Variants in MMP15 observed in about 807,000 individuals in gnomAD.
The protein encoded by MMP15 is matrix metallopeptidase 15, also known as matrix metalloproteinase-15.
MMP15 carries 36 observed loss-of-function variants against 65.0 expected under a neutral mutation model. The observed-to-expected ratio is 0.55, with a 90% CI of 0.42 to 0.73. MMP15 has a LOEUF of 0.73. Ranked by LOEUF, MMP15 falls within the 30% of genes least tolerant of loss-of-function variation. The probability of loss-of-function intolerance (pLI) is 0.00; values close to 1 mark genes in which losing one functional copy is unlikely to be tolerated. For missense variants in MMP15, 870 were observed against 987.8 expected, an observed-to-expected ratio of 0.88 and a Z score of 1.60; for synonymous variants, 428 against 410.2, an observed-to-expected ratio of 1.04 and a Z score of -0.52.
rs1035388680 is a variant in MMP15, at chr16:58,026,398, C to T, written c.48C>T (p.Ser16=). ...SAPGRPGWTG[S]LLGDREEAAR... ...CCGGACGGCCGGGCTGGACGGGCAG[C>T]CTCCTCGGCGACCGGGAGGAGGCGG... The change falls in exon 1 of 10, where the codon AGC becomes AGT. Residue 16 remains serine (S), a synonymous_variant. Coordinates refer to ENST00000219271, the MANE Select transcript of MMP15 (RefSeq NM_002428.4). The T allele has an allele frequency of 4.2e-6, 6 of 1,415,970 alleles. No individual in the cohort carries two copies. Among genetic ancestry groups the T allele is most frequent in the Non-Finnish European group, 5.5e-6 (6 of 1,091,312 alleles). 87.7% of individuals were successfully genotyped at this position (1,415,970 alleles called of 1,614,324 possible). A position where few individuals can be genotyped will look rare whatever the true frequency, so the allele number is the denominator to read the frequency against.
chr16:58,038,160 AG>A (rs1423259266), intron 2 of MMP15, 105 bp from the exon 3 acceptor site: 5 of 1,461,700 alleles, frequency 3.4e-6, no homozygotes, highest in Non-Finnish European at 4.7e-6. Context: ...ACTGTGTCAT[AG>A]GAGGGGCGGC....
intron 7 of MMP15, 142 bp from the exon 8 acceptor site, chr16:58,043,068 G>C (rs1292396258): frequency 1.3e-6 from 1 of 777,412 alleles, no homozygotes; most frequent in Non-Finnish European, 2.0e-6. Context: ...AGCATGTGAT[G>C]TGCGGGTGAC....
At chr16:58,028,510 G>A (rs182900625) in intron 1 of MMP15, among the ~76,000 whole-genome samples, 1 of 152,204 alleles carries the variant, frequency 6.6e-6, no homozygotes, top group African/African-American at 2.4e-5. Context: ...TGGGCCCAAA[G>A]AGTCAAATGG....
intron 6 of MMP15, 127 bp downstream of exon 6, chr16:58,041,997 A>G (rs1649091518): frequency 8.0e-7 from 1 of 1,251,386 alleles, no homozygotes. Flanking sequence ...GGAGGAATCC[A>G]GCCCAAGAGG....
In MMP15 at chr16:58,043,259, A is replaced by G. The variant is rs1367060877; in HGVS notation, c.1353A>G (p.Pro451=). 1.9e-6 allele frequency: 3 copies of G among 1,601,866 alleles called. No homozygotes were observed. The highest frequency in any genetic ancestry group is 2.6e-6 in the Non-Finnish European group (3 of 1,173,802). Residue 451 remains proline, a synonymous_variant, in exon 8 of 10, where the codon CCA becomes CCG. Transcript: ENST00000219271. The part of the protein sequence containing the change: ...FREANLEPGY[P]QPLTSYGLGI... Reference sequence around the variant, plus strand: ...AAGCGAACCTGGAGCCCGGCTACCCACAGCCGCTGACCAGCTATGGCCTGG... The same window carrying G: ...AAGCGAACCTGGAGCCCGGCTACCCGCAGCCGCTGACCAGCTATGGCCTGG...
At chr16:58,031,110 A>G (rs1373490570) in intron 1 of MMP15, among the ~76,000 whole-genome samples, 1 of 151,146 alleles carries the variant, frequency 6.6e-6, no homozygotes, top group African/African-American at 2.4e-5. Context: ...TCATTACTCA[A>G]TCTACAAAAG....
intron 1 of MMP15, among the ~76,000 whole-genome samples, chr16:58,029,192 G>T (rs1300240425): frequency 1.3e-5 from 2 of 152,266 alleles, no homozygotes; most frequent in African/African-American, 4.8e-5. Flanking sequence ...GAGGCAGCGG[G>T]GGTGGGGGCG....
chr16:58,026,389 G>C lies in MMP15; in HGVS notation c.39G>C (p.Trp13Cys), dbSNP rs1179926570. 1.4e-6 allele frequency: 2 copies of C among 1,403,828 alleles called. No individual in the cohort carries two copies. Among genetic ancestry groups the C allele is most frequent in the Non-Finnish European group, 1.8e-6 (2 of 1,086,422 alleles). 87.0% of individuals were successfully genotyped at this position (1,403,828 alleles called of 1,614,324 possible). The stretch of plus-strand genomic sequence containing the variant: ...CGAGCGCGCCCGGACGGCCGGGCTG[G>C]ACGGGCAGCCTCCTCGGCGACCGGG... Reference protein sequence around the residue: ...SDPSAPGRPGWTGSLLGDREE... With the variant: ...SDPSAPGRPGCTGSLLGDREE... The change falls in exon 1 of 10, where the codon TGG becomes TGC. Residue 13 changes from tryptophan (W) to cysteine (C), a missense_variant. Physicochemically the swap from Trp to Cys is radical, Grantham distance 215. Coordinates refer to ENST00000219271, the MANE Select transcript of MMP15 (RefSeq NM_002428.4).
chr16:58,040,389 G>C, intron 4 of MMP15, 148 bp from the exon 5 acceptor site: 1 of 1,099,106 alleles, frequency 9.1e-7, no homozygotes, highest in Non-Finnish European at 1.3e-6. Flanking sequence ...TTTCTCAGAT[G>C]GGGTTGTTGT....
Position 58,041,639 on chromosome 16 carries a change from GC to G in MMP15, c.935del (p.Pro312LeufsTer8). 6.4e-7 allele frequency: 1 copy of G among 1,573,888 alleles called. No individual in the cohort carries two copies. Among genetic ancestry groups the G allele is most frequent in the Non-Finnish European group, 8.6e-7 (1 of 1,161,080 alleles). On this transcript the variant is annotated frameshift_variant, in exon 6 of 10. Coordinates refer to ENST00000219271, the MANE Select transcript of MMP15 (RefSeq NM_002428.4). LOFTEE classifies it high-confidence loss of function. ...LYGTPDGQPQ[P>X]TQPLPTVTPR... ...CAGGTACCCCAGACGGTCAGCCACA[GC>G]CTACCCAGCCTCTCCCCACTGTGAC...
chr16:58,030,617 C>G (rs2142323354), intron 1 of MMP15, among the ~76,000 whole-genome samples: 1 of 152,304 alleles, frequency 6.6e-6, no homozygotes, highest in Non-Finnish European at 1.5e-5. Context: ...TCTAGATCAC[C>G]TCTCCAGGGC....
At chr16:58,044,628 C>T (rs559048380) in intron 9 of MMP15, among the ~76,000 whole-genome samples, 2 of 152,230 alleles carry the variant, frequency 1.3e-5, no homozygotes, top group Admixed American at 6.5e-5. Flanking sequence ...TCCTTCCGCT[C>T]TAGAACAACT....
intron 9 of MMP15, among the ~76,000 whole-genome samples, 170 bp downstream of exon 9, chr16:58,043,797 T>C (rs545392078): frequency 1.3e-5 from 2 of 152,358 alleles, no homozygotes; most frequent in East Asian, 3.9e-4. Context: ...TGGTCCTTCC[T>C]GCATAGTTAA....
At chr16:58,034,174 G>T (rs1045070277) in intron 1 of MMP15, among the ~76,000 whole-genome samples, 1 of 152,276 alleles carries the variant, frequency 6.6e-6, no homozygotes, top group African/African-American at 2.4e-5. Context: ...TAGGTGACAG[G>T]AAGAGATTCC....
At chr16:58,033,019 TG>T (rs10717041) in intron 1 of MMP15, among the ~76,000 whole-genome samples, 94,284 of 151,890 alleles carry the variant, frequency 0.62, 30,706 homozygotes, top group Middle Eastern at 0.81. Context: ...AAGGGCCGGC[TG>T]GGGCGGCTGC....
chr16:58,037,135 C>T (rs900908118), intron 1 of MMP15, among the ~76,000 whole-genome samples: 1 of 152,154 alleles, frequency 6.6e-6, no homozygotes, highest in Admixed American at 6.5e-5. Context: ...GGAGCATGCC[C>T]GGCTGGGGTG....
chr16:58,045,325 T>C lies in MMP15; in HGVS notation c.1889T>C (p.Leu630Pro). ...VARTVNVVMV[L>P]VPLLLLLCVL... Reference sequence around the variant, plus strand: ...CGGACGGTGAACGTGGTGATGGTGCTGGTGCCACTGCTGCTGCTGCTCTGC... The same window carrying C: ...CGGACGGTGAACGTGGTGATGGTGCCGGTGCCACTGCTGCTGCTGCTCTGC... Residue 630 changes from leucine (L) to proline (P), a missense_variant, in exon 10 of 10, where the codon CTG becomes CCG. Leu to Pro is a moderately conservative substitution (Grantham distance 98, BLOSUM62 -3). Coordinates refer to ENST00000219271, the MANE Select transcript of MMP15 (RefSeq NM_002428.4). 2.5e-6 allele frequency: 4 copies of C among 1,608,870 alleles called. No individual in the cohort carries two copies. The highest frequency in any genetic ancestry group is 3.4e-6 in the Non-Finnish European group (4 of 1,178,838).
chr16:58,027,287 G>A (rs565295712), intron 1 of MMP15, among the ~76,000 whole-genome samples: 27 of 152,334 alleles, frequency 1.8e-4, no homozygotes, highest in Non-Finnish European at 3.2e-4. Flanking sequence ...GCTCTGGATG[G>A]GTCCCGCGGG....
chr16:58,041,965 T>C (rs1034647027), intron 6 of MMP15, 95 bp downstream of exon 6: 1 of 1,417,258 alleles, frequency 7.1e-7, no homozygotes, highest in Non-Finnish European at 9.4e-7. Flanking sequence ...CGGGGAGCCA[T>C]TAAGCCCTCA....
Sources: allele counts gnomAD v4.1 joint callset (sites outside exome capture counted in the v4.1 genomes callset), GRCh38; gene constraint gnomAD v4.1.1; transcripts MANE v1.5; gene names NCBI Gene and HGNC (gene_info 2026-07-23, HGNC 2026-07-21).